The following ROBO1 variants were observed in gnomAD, a reference collection of about 807,000 sequenced individuals.
ROBO1 encodes roundabout guidance receptor 1.
Under a neutral mutation model 195.9 loss-of-function variants are expected in ROBO1, and 149 were observed. The ratio of observed to expected loss-of-function variants is 0.76; its 90% CI spans 0.67 to 0.87. ROBO1 has a LOEUF of 0.87. ROBO1 is among the 40% of genes least tolerant of loss of function. The pLI is 0.00. For synonymous variants in ROBO1, 816 were observed against 733.2 expected (o/e 1.11, Z -1.82); for missense variants, 1,933 against 2,068.3 (o/e 0.93, Z 1.27).
intron 3 of ROBO1, among the ~76,000 whole-genome samples, chr3:78,939,575 G>A (rs999378519): frequency 1.1e-4 from 17 of 149,946 alleles, no homozygotes; most frequent in Admixed American, 6.7e-4. Context: ...CCGAGATCGC[G>A]CCACTGCACT....
intron 3 of ROBO1, among the ~76,000 whole-genome samples, chr3:79,048,009 G>A (rs2078626664): frequency 6.6e-6 from 1 of 152,094 alleles, no homozygotes; most frequent in Non-Finnish European, 1.5e-5. Context: ...GGTCTATCCT[G>A]TAGCTAAATA....
intron 3 of ROBO1, among the ~76,000 whole-genome samples, chr3:79,077,564 A>G: frequency 6.6e-6 from 1 of 151,886 alleles, no homozygotes; most frequent in East Asian, 1.9e-4. Context: ...TCACATTACT[A>G]TTTTGTAAAG....
chr3:78,951,876 A>G (rs1389368984), intron 3 of ROBO1, among the ~76,000 whole-genome samples: 1 of 152,126 alleles, frequency 6.6e-6, no homozygotes. Flanking sequence ...CCCCTCTGAG[A>G]GGTCACTTTT....
chr3:79,559,704 G>T (rs1219408602), intron 2 of ROBO1, among the ~76,000 whole-genome samples: 2 of 152,060 alleles, frequency 1.3e-5, no homozygotes, highest in Non-Finnish European at 2.9e-5. Context: ...AGATTACGAG[G>T]TCAGGATTTC....
intron 2 of ROBO1, among the ~76,000 whole-genome samples, chr3:79,447,695 T>TAAAC (rs10690113): frequency 0.048 from 7,283 of 152,232 alleles, 468 homozygotes; most frequent in African/African-American, 0.14. Flanking sequence ...AACTAGTCGC[T>TAAAC]AAACAAAAAC....
chr3:79,310,803 C>T (rs1287524879), intron 2 of ROBO1, among the ~76,000 whole-genome samples: 2 of 151,994 alleles, frequency 1.3e-5, no homozygotes, highest in Non-Finnish European at 2.9e-5. Context: ...GTTTGTATTT[C>T]AATAAGGCTA....
intron 1 of ROBO1, among the ~76,000 whole-genome samples, chr3:79,731,927 C>A (rs1036118512): frequency 6.6e-6 from 1 of 152,072 alleles, no homozygotes; most frequent in Non-Finnish European, 1.5e-5. Context: ...AAACAAATGT[C>A]ATCATGCATC....
intron 1 of ROBO1, among the ~76,000 whole-genome samples, chr3:79,736,357 A>G (rs775170971): frequency 6.6e-6 from 1 of 152,232 alleles, no homozygotes; most frequent in Admixed American, 6.5e-5. Context: ...AATGGTAAGA[A>G]GTTTGCATCT....
chr3:79,000,516 T>A (rs538288593), intron 3 of ROBO1, among the ~76,000 whole-genome samples: 2 of 152,038 alleles, frequency 1.3e-5, no homozygotes, highest in Non-Finnish European at 2.9e-5. Context: ...AATAAACATA[T>A]GAAAAAAAGC....
chr3:78,956,223 T>A (rs2041041503), intron 3 of ROBO1, among the ~76,000 whole-genome samples: 1 of 152,094 alleles, frequency 6.6e-6, no homozygotes, highest in African/African-American at 2.4e-5. Flanking sequence ...AATTCATCAT[T>A]CCAAAACAAA....
intron 3 of ROBO1, among the ~76,000 whole-genome samples, chr3:79,029,509 T>A (rs2078257325): frequency 6.6e-6 from 1 of 152,188 alleles, no homozygotes; most frequent in African/African-American, 2.4e-5. Flanking sequence ...CATTGTCCAC[T>A]ACACTACATT....
At chr3:79,700,317 T>TTTTGTGTGTG (rs1553793339) in intron 1 of ROBO1, among the ~76,000 whole-genome samples, 1 of 144,146 alleles carries the variant, frequency 6.9e-6, no homozygotes, top group Non-Finnish European at 1.5e-5. Context: ...GTGTGTGTGT[T>TTTTGTGTGTG]TGTGTGTGTG....
intron 2 of ROBO1, among the ~76,000 whole-genome samples, chr3:79,477,512 G>T (rs1575882169): frequency 6.6e-6 from 1 of 152,008 alleles, no homozygotes; most frequent in Non-Finnish European, 1.5e-5. Context: ...TGATATGCAA[G>T]AAGATGCTTT....
intron 29 of ROBO1, among the ~76,000 whole-genome samples, chr3:78,602,224 G>A (rs1559631871): frequency 6.6e-6 from 1 of 152,008 alleles, no homozygotes; most frequent in Non-Finnish European, 1.5e-5. Context: ...CTTGATGATA[G>A]GTGAGCTCTT....
At chr3:78,906,427 T>G (rs535396489) in intron 4 of ROBO1, among the ~76,000 whole-genome samples, 11 of 152,248 alleles carry the variant, frequency 7.2e-5, no homozygotes, top group Admixed American at 2.6e-4. Context: ...GCAGCTTCTC[T>G]CCATGTTTGC....
At chr3:79,409,903 T>C (rs2037696732) in intron 2 of ROBO1, among the ~76,000 whole-genome samples, 2 of 152,134 alleles carry the variant, frequency 1.3e-5, no homozygotes, top group African/African-American at 4.8e-5. Context: ...TCACCTCAAC[T>C]TTCAATTTTT....
chr3:79,360,588 T>G (rs1159664148), intron 2 of ROBO1, among the ~76,000 whole-genome samples: 1 of 152,022 alleles, frequency 6.6e-6, no homozygotes, highest in Admixed American at 6.6e-5. Flanking sequence ...AGTTGATAGC[T>G]CTTACCAATT....
chr3:79,007,638 T>C (rs917036203), intron 3 of ROBO1, among the ~76,000 whole-genome samples: 5 of 152,236 alleles, frequency 3.3e-5, no homozygotes, highest in African/African-American at 1.2e-4. Flanking sequence ...TTTAAAATTA[T>C]TTGTTTTTTA....
chr3:79,739,455 T>C (rs2107409983), intron 1 of ROBO1, among the ~76,000 whole-genome samples: 1 of 152,252 alleles, frequency 6.6e-6, no homozygotes, highest in Middle Eastern at 3.4e-3. Flanking sequence ...TTGGTTTAAC[T>C]CCTTAAGGGG....
Sources: allele counts gnomAD v4.1 joint callset (sites outside exome capture counted in the v4.1 genomes callset), GRCh38; gene constraint gnomAD v4.1.1; transcripts MANE v1.5; gene names NCBI Gene and HGNC (gene_info 2026-07-23, HGNC 2026-07-21).